DLGAP2: variants seen among roughly 807,000 people sequenced by gnomAD.
DLGAP2 encodes the protein disks large-associated protein 2.
In DLGAP2, 26 loss-of-function variants were observed where a neutral mutation model predicts 100.3. That is an observed-to-expected ratio of 0.26 (90% CI 0.19 to 0.36). DLGAP2 has a LOEUF of 0.36. Ranked by LOEUF, DLGAP2 falls within the 10% of genes least tolerant of loss-of-function variation. The pLI, the probability that DLGAP2 is intolerant of heterozygous loss-of-function variation, is 1.00. For synonymous variants in DLGAP2, 886 were observed against 630.1 expected (o/e 1.41, Z -6.08); for missense variants, 1,858 against 1,453.2 (o/e 1.28, Z -4.53).
intron 3 of DLGAP2, among the ~76,000 whole-genome samples, chr8:1,416,295 C>T (rs554700664): frequency 3.3e-5 from 5 of 152,300 alleles, no homozygotes; most frequent in Non-Finnish European, 5.9e-5. Flanking sequence ...CCCGTCACGA[C>T]GGCCATGGAA....
At chr8:1,039,285 T>C (rs1210311234) in intron 2 of DLGAP2, among the ~76,000 whole-genome samples, 2 of 149,594 alleles carry the variant, frequency 1.3e-5, no homozygotes, top group Non-Finnish European at 3.0e-5. Context: ...TCGGTTTCCA[T>C]GGTCGGCTCG....
chr8:912,773 G>C (rs1013699660), intron 2 of DLGAP2, among the ~76,000 whole-genome samples: 2 of 146,384 alleles, frequency 1.4e-5, no homozygotes, highest in Admixed American at 1.4e-4. Flanking sequence ...TGACCCCTGC[G>C]CTATGGTGCC....
At chr8:1,317,305 T>C (rs1449690295) in intron 3 of DLGAP2, among the ~76,000 whole-genome samples, 1 of 136,500 alleles carries the variant, frequency 7.3e-6, no homozygotes, top group East Asian at 2.2e-4. Flanking sequence ...CGGCAGCTTT[T>C]AAAAATAGAG....
chr8:1,098,428 C>T (rs942572623), intron 2 of DLGAP2, among the ~76,000 whole-genome samples: 22 of 152,158 alleles, frequency 1.4e-4, no homozygotes, highest in African/African-American at 5.3e-4. Flanking sequence ...GAGGGCCTCC[C>T]GGGCAGGTTT....
chr8:1,576,077 C>A (rs568356208), intron 6 of DLGAP2, among the ~76,000 whole-genome samples: 395 of 152,246 alleles, frequency 2.6e-3, no homozygotes, highest in Admixed American at 7.1e-3. Context: ...AGTTTACAGT[C>A]CCACCAACAG....
intron 2 of DLGAP2, among the ~76,000 whole-genome samples, chr8:1,007,635 T>G (rs12675374): frequency 0.55 from 77,580 of 141,120 alleles, 21,858 homozygotes; most frequent in Admixed American, 0.64. Context: ...TTTTTTTTTT[T>G]GGGGGGGGGA....
At chr8:988,529 C>G (rs929436498) in intron 2 of DLGAP2, among the ~76,000 whole-genome samples, 1 of 152,190 alleles carries the variant, frequency 6.6e-6, no homozygotes, top group African/African-American at 2.4e-5. Flanking sequence ...GAAGAAAACC[C>G]TCCCGGCTCG....
At chr8:765,612 G>C (rs2132596997) in intron 1 of DLGAP2, among the ~76,000 whole-genome samples, 1 of 152,252 alleles carries the variant, frequency 6.6e-6, no homozygotes, top group South Asian at 2.1e-4. Flanking sequence ...AAACAACAGT[G>C]ACCCTAGGGA....
chr8:1,362,643 C>T (rs1227310828), intron 3 of DLGAP2, among the ~76,000 whole-genome samples: 1 of 152,216 alleles, frequency 6.6e-6, no homozygotes, highest in Admixed American at 6.5e-5. Context: ...CCTCAGCTTT[C>T]TCTGAAAGCA....
chr8:1,011,022 G>C (rs906576233), intron 2 of DLGAP2, among the ~76,000 whole-genome samples: 1 of 152,044 alleles, frequency 6.6e-6, no homozygotes, highest in African/African-American at 2.4e-5. Context: ...GTGAGCCCTG[G>C]AATGTGGGGC....
intron 4 of DLGAP2, among the ~76,000 whole-genome samples, chr8:1,537,073 A>ATGTGGTATGTGGTGTGTGGTGTGTGGTG (rs1801177590): frequency 6.6e-6 from 1 of 151,326 alleles, no homozygotes; most frequent in Non-Finnish European, 1.5e-5. Flanking sequence ...GGTATGTGGT[A>ATGTGGTATGTGGTGTGTGGTGTGTGGTG]TGTGGTATGT....
intron 2 of DLGAP2, among the ~76,000 whole-genome samples, chr8:918,605 A>G (rs1798643750): frequency 1.3e-5 from 2 of 152,160 alleles, no homozygotes; most frequent in African/African-American, 4.8e-5. Flanking sequence ...TGTCTTTGTG[A>G]ACAAGACTGT....
intron 1 of DLGAP2, among the ~76,000 whole-genome samples, chr8:823,766 C>G (rs949260925): frequency 6.6e-6 from 1 of 152,130 alleles, no homozygotes; most frequent in Non-Finnish European, 1.5e-5. Context: ...ATTCGCAGCA[C>G]GGGGAGCTGT....
At chr8:774,652 T>C (rs897786812) in intron 1 of DLGAP2, among the ~76,000 whole-genome samples, 13 of 151,774 alleles carry the variant, frequency 8.6e-5, no homozygotes, top group African/African-American at 2.7e-4. Flanking sequence ...AAAGATCAGA[T>C]AGTTGTAGAT....
chr8:1,432,540 G>A (rs1797481756), intron 3 of DLGAP2, among the ~76,000 whole-genome samples: 1 of 152,242 alleles, frequency 6.6e-6, no homozygotes, highest in African/African-American at 2.4e-5. Context: ...AAAAGAGATG[G>A]GCGAGGGAGT....
At chr8:1,456,520 C>T (rs751281270) in intron 3 of DLGAP2, among the ~76,000 whole-genome samples, 8 of 152,090 alleles carry the variant, frequency 5.3e-5, no homozygotes, top group Non-Finnish European at 1.2e-4. Context: ...ATAATGTGGT[C>T]CCAGAAAAGG....
intron 2 of DLGAP2, among the ~76,000 whole-genome samples, chr8:954,849 A>T (rs756621054): frequency 2.0e-4 from 30 of 152,280 alleles, no homozygotes; most frequent in Middle Eastern, 3.4e-3. Context: ...TTTCCTTGTT[A>T]TTCTGAATAC....
chr8:921,587 G>A (rs1798716548), intron 2 of DLGAP2, among the ~76,000 whole-genome samples: 1 of 152,256 alleles, frequency 6.6e-6, no homozygotes, highest in Admixed American at 6.5e-5. Context: ...CTGTGGGATT[G>A]TCCTGGTCCC....
intron 6 of DLGAP2, among the ~76,000 whole-genome samples, chr8:1,618,647 C>T (rs538620921): frequency 6.6e-6 from 1 of 152,212 alleles, no homozygotes; most frequent in Admixed American, 6.5e-5. Context: ...GATTTCAAGA[C>T]TTGCGTTAAA....
Sources: gnomAD v4.1 joint callset for allele counts (sites outside exome capture counted in the v4.1 genomes callset) on GRCh38, gnomAD v4.1.1 for gene constraint, MANE v1.5 for transcripts, NCBI Gene and HGNC (gene_info 2026-07-23, HGNC 2026-07-21) for gene names.